Variants in KPNA1 observed in about 807,000 individuals in gnomAD.
The protein encoded by KPNA1 is importin subunit alpha-5.
Under a neutral mutation model 70.5 loss-of-function variants are expected in KPNA1, and 10 were observed. That is an observed-to-expected ratio of 0.14 (90% CI 0.09 to 0.24). KPNA1 has a LOEUF of 0.24. Among genes scored for constraint, KPNA1 ranks in the 10% least tolerant of loss-of-function variants. The pLI is 1.00. For missense variants in KPNA1, 397 were observed against 637.9 expected (o/e 0.62, Z 4.07); for synonymous variants, 192 against 221.9 (o/e 0.87, Z 1.20).
chr3:122,449,682 A>G lies in KPNA1; in HGVS notation c.809T>C (p.Val270Ala). 1 of 1,613,894 alleles carries G rather than the reference A, an allele frequency of 6.2e-7. No individual in the cohort carries two copies. Among genetic ancestry groups the G allele is most frequent in the Non-Finnish European group, 8.5e-7 (1 of 1,179,870 alleles). The stretch of plus-strand genomic sequence containing the variant: ...GAGGGCCCAGCAGGCATCAGCCAGT[A>G]CATCAGTGTCACTGACAAACAGCAA... ...SWLLFVSDTDVLADACWALSY... is the reference protein window; with the variant it reads ...SWLLFVSDTDALADACWALSY... Residue 270 changes from valine (V) to alanine (A), a missense_variant, in exon 9 of 14, where the codon GTA (valine) becomes GCA (alanine). Val to Ala is a moderately conservative substitution (Grantham distance 64, BLOSUM62 0). Coordinates refer to ENST00000344337, the MANE Select transcript of KPNA1 (RefSeq NM_002264.4).
intron 2 of KPNA1, among the ~76,000 whole-genome samples, chr3:122,491,319 C>A (rs1478682477): frequency 6.6e-6 from 1 of 152,152 alleles, no homozygotes; most frequent in Non-Finnish European, 1.5e-5. Flanking sequence ...AACACGACTG[C>A]TCGTCCAATA....
At chr3:122,434,500 A>AGGTCTGCTAGTCATCTCAAACACATC (rs1393081990) in intron 11 of KPNA1, among the ~76,000 whole-genome samples, 3 of 152,148 alleles carry the variant, frequency 2.0e-5, no homozygotes, top group African/African-American at 7.2e-5. Flanking sequence ...AGTTTACGTT[A>AGGTCTGCTAGTCATCTCAAACACATC]GGTCTGCTAG....
At chr3:122,460,818 G>A (rs2076316197) in intron 5 of KPNA1, among the ~76,000 whole-genome samples, 1 of 151,950 alleles carries the variant, frequency 6.6e-6, no homozygotes, top group African/African-American at 2.4e-5. Flanking sequence ...AATTAATTAG[G>A]AACAGATTTG....
intron 6 of KPNA1, among the ~76,000 whole-genome samples, chr3:122,452,357 A>G (rs1198542744): frequency 6.6e-6 from 1 of 151,564 alleles, no homozygotes; most frequent in Non-Finnish European, 1.5e-5. Context: ...TAAAAATACA[A>G]AATTAGCCGG....
chr3:122,459,908 A>G (rs2076304377), intron 5 of KPNA1: 1 of 985,260 alleles, frequency 1.0e-6, no homozygotes, highest in African/African-American at 1.7e-5. Context: ...TGAATAATCT[A>G]TAATGGTGTA....
intron 1 of KPNA1, among the ~76,000 whole-genome samples, chr3:122,497,187 A>T (rs1344675768): frequency 2.0e-5 from 3 of 152,190 alleles, no homozygotes; most frequent in Non-Finnish European, 2.9e-5. Flanking sequence ...ATCATATAAT[A>T]TGCAGTATTT....
rs764664928 is a variant in KPNA1 at position 122,451,985 on chromosome 3, G to C, written c.644C>G (p.Pro215Arg). ...GGAAGAAGAAACTTACTGCAAAAGA[G>C]GGGGAAGGATATTGCAGTCTAAGAC... is the stretch of plus-strand genomic sequence containing the variant. ...DYVLDCNILP[P>R]LLQLFSKQNR... is the part of the protein sequence containing the mutation. The change falls in exon 7 of 14, where the codon CCT becomes CGT. Residue 215 changes from proline to arginine, a missense_variant. Transcript: ENST00000344337. 23 of 1,584,320 alleles carry C rather than the reference G, an allele frequency of 1.5e-5. No individual in the cohort carries two copies. The South Asian group carries it at 2.6e-4, about 18-fold the overall frequency.
intron 12 of KPNA1, among the ~76,000 whole-genome samples, chr3:122,431,724 CAG>C (rs934560898): frequency 6.6e-6 from 1 of 151,998 alleles, no homozygotes; most frequent in African/African-American, 2.4e-5. Context: ...GCTTCTCTAA[CAG>C]AGCAAAATAC....
intron 1 of KPNA1, among the ~76,000 whole-genome samples, chr3:122,513,573 T>G (rs545611028): frequency 1.3e-5 from 2 of 151,578 alleles, no homozygotes; most frequent in African/African-American, 4.9e-5. Context: ...TTCCAGCTAG[T>G]AGGGAGGATG....
chr3:122,441,118 G>A (rs1383336667), intron 10 of KPNA1, among the ~76,000 whole-genome samples: 4 of 152,162 alleles, frequency 2.6e-5, no homozygotes, highest in African/African-American at 9.7e-5. Flanking sequence ...CTATGAATGA[G>A]GCAGAAGGAT....
rs945052894 is a variant in KPNA1 at position 122,422,174 on chromosome 3, T to C, written c.*4811A>G. 1.3e-5 allele frequency: 2 copies of C among 152,202 alleles called. No individual in the cohort carries two copies. Among genetic ancestry groups the C allele is most frequent in the African/African-American group, 2.4e-5 (1 of 41,452 alleles). 9.4% of individuals were successfully genotyped at this position (152,202 alleles called of 1,614,324 possible). ...TTTTAATTTTTGACATTCCTTGGGA[T>C]GATATTCCTTTAGGAAGAAGTAGAC... On this transcript the variant is annotated 3_prime_UTR_variant, in exon 14 of 14. Transcript: ENST00000344337.
At chr3:122,510,648 T>G (rs1387804882) in intron 1 of KPNA1, among the ~76,000 whole-genome samples, 7 of 152,160 alleles carry the variant, frequency 4.6e-5, no homozygotes, top group African/African-American at 1.7e-4. Flanking sequence ...TGTGAAACAC[T>G]AAGGAACATC....
At chr3:122,462,883 G>T (rs973396800) in intron 4 of KPNA1, among the ~76,000 whole-genome samples, 1 of 151,996 alleles carries the variant, frequency 6.6e-6, no homozygotes, top group Non-Finnish European at 1.5e-5. Context: ...ACTTGCCCAG[G>T]TTGATAACAA....
At chr3:122,484,633 A>C (rs1477241033) in intron 2 of KPNA1, among the ~76,000 whole-genome samples, 1 of 151,736 alleles carries the variant, frequency 6.6e-6, no homozygotes, top group African/African-American at 2.4e-5. Flanking sequence ...ACAGAGTGAG[A>C]CTCCGTCTCA....
chr3:122,438,915 C>G (rs1444653425), intron 10 of KPNA1, among the ~76,000 whole-genome samples: 1 of 152,044 alleles, frequency 6.6e-6, no homozygotes, highest in Non-Finnish European at 1.5e-5. Flanking sequence ...AAAATCGTAA[C>G]AGATTTTAAA....
intron 6 of KPNA1, among the ~76,000 whole-genome samples, chr3:122,452,594 G>GAAGA (rs1214490653): frequency 8.1e-5 from 8 of 98,164 alleles, no homozygotes; most frequent in Non-Finnish European, 1.7e-4. Context: ...AGGAAGGAAG[G>GAAGA]AAGGAAGGAA....
At chr3:122,429,004 T>C (rs2075861698) in intron 12 of KPNA1, among the ~76,000 whole-genome samples, 1 of 152,194 alleles carries the variant, frequency 6.6e-6, no homozygotes, top group Non-Finnish European at 1.5e-5. Flanking sequence ...AATCCAAGAA[T>C]GTATACAAAG....
Position 122,507,426 on chromosome 3 carries a change from G to A in KPNA1, c.-6+7331C>T, listed in dbSNP as rs192447275. 3.1e-5 allele frequency among the ~76,000 whole-genome samples: 4 copies of A among 127,926 alleles called. No homozygotes were observed. The East Asian group carries it at 9.3e-4, about 30-fold the overall frequency. 83.9% of individuals were successfully genotyped at this position (127,926 alleles called of 152,430 possible). On this transcript the variant is annotated intron_variant, in intron 1 of 13. Transcript: ENST00000344337. ...ATTGCACTCCAGCCTGGGCGACAGA[G>A]CAAGACTCCATCTCAAAAAAAAAAA... is the stretch of plus-strand genomic sequence containing the variant.
At chr3:122,484,825 G>T (rs1318118388) in intron 2 of KPNA1, among the ~76,000 whole-genome samples, 2 of 152,106 alleles carry the variant, frequency 1.3e-5, no homozygotes, top group African/African-American at 4.8e-5. Context: ...ATTCCCAGCA[G>T]GCTTTCATGT....
Sources: gnomAD v4.1 joint callset for allele counts (sites outside exome capture counted in the v4.1 genomes callset) on GRCh38, gnomAD v4.1.1 for gene constraint, MANE v1.5 for transcripts, NCBI Gene and HGNC (gene_info 2026-07-23, HGNC 2026-07-21) for gene names.